PAQR3: variants seen among roughly 807,000 people sequenced by gnomAD.
The protein encoded by PAQR3 is progestin and adipoQ receptor family member 3.
In PAQR3, 39 loss-of-function variants were observed where a neutral mutation model predicts 41.7. The ratio of observed to expected loss-of-function variants is 0.93; its 90% CI spans 0.72 to 1.22. The LOEUF is 1.22. Ranked by LOEUF, PAQR3 falls within the 50% of genes most tolerant of loss-of-function variation. The probability of loss-of-function intolerance (pLI) is 0.00; values close to 1 mark genes in which losing one functional copy is unlikely to be tolerated. For missense variants in PAQR3, 366 were observed against 385.6 expected, an observed-to-expected ratio of 0.95 and a Z score of 0.42; for synonymous variants, 140 against 140.6, an observed-to-expected ratio of 1.00 and a Z score of 0.03.
intron 5 of PAQR3, 44 bp downstream of exon 5, chr4:78,923,813 T>C (rs1735904943): frequency 7.8e-7 from 1 of 1,289,530 alleles, no homozygotes; most frequent in African/African-American, 1.5e-5. Context: ...CTTGGGCATA[T>C]ATTTAGACTA....
chr4:78,933,294 A>G (rs1201933515), intron 2 of PAQR3: 11 of 456,022 alleles, frequency 2.4e-5, no homozygotes, highest in Non-Finnish European at 4.8e-5. Context: ...GATCAAATCA[A>G]GGCATTATTG....
chr4:78,894,114 T>C (rs921336270), intron 11 of PAQR3, among the ~76,000 whole-genome samples: 2 of 152,254 alleles, frequency 1.3e-5, no homozygotes, highest in Non-Finnish European at 2.9e-5. Flanking sequence ...GGCTTTGTTA[T>C]TTCATTTATA....
chr4:78,929,571 G>C (rs1309806913), intron 3 of PAQR3, among the ~76,000 whole-genome samples: 2 of 152,320 alleles, frequency 1.3e-5, no homozygotes, highest in East Asian at 3.9e-4. Context: ...TGTGAACTTA[G>C]TGACAGAAAG....
intron 11 of PAQR3, among the ~76,000 whole-genome samples, chr4:78,888,445 G>A (rs904717076): frequency 2.6e-5 from 4 of 152,182 alleles, no homozygotes; most frequent in African/African-American, 9.7e-5. Flanking sequence ...AATGACTTGA[G>A]ATACTGATCT....
chr4:78,939,392 A>G lies in PAQR3; in HGVS notation c.-168T>C. The G allele has an allele frequency of 2.4e-6, 1 of 415,804 alleles. No individual in the cohort carries two copies. The highest frequency in any genetic ancestry group is 3.7e-6 in the Non-Finnish European group (1 of 269,678). The allele number at this position is 415,804 out of a possible 1,614,324, so 25.8% of individuals were successfully genotyped here. The stretch of plus-strand genomic sequence containing the variant: ...GCCCGGCTCTGCGCTCACACCGGCC[A>G]CTGCCGCCAGCGCCGCGGCGGACCC... On this transcript the variant is annotated 5_prime_UTR_variant, in exon 1 of 6. Transcript: ENST00000512733.
intron 5 of PAQR3, among the ~76,000 whole-genome samples, chr4:78,923,284 G>A (rs1735847166): frequency 6.6e-6 from 1 of 151,730 alleles, no homozygotes; most frequent in Non-Finnish European, 1.5e-5. Context: ...AGACCCCTTC[G>A]ATGTACATAT....
Position 78,926,638 on chromosome 4 carries a change from G to A in PAQR3, c.585C>T (p.Leu195=). The A allele has an allele frequency of 3.1e-6, 5 of 1,613,980 alleles. No homozygotes were observed. Among genetic ancestry groups the A allele is most frequent in the Non-Finnish European group, 4.2e-6 (5 of 1,179,876 alleles). Residue 195 remains leucine, a synonymous_variant, in exon 4 of 6, where the codon CTC becomes CTT. Transcript: ENST00000512733. Reference sequence around the variant, plus strand: ...AACGGAGCCTTTGCCATTGCTGCGTGAGGTAATTGGGATGAATCTGCGCAA... The same window carrying A: ...AACGGAGCCTTTGCCATTGCTGCGTAAGGTAATTGGGATGAATCTGCGCAA... ...VFFAQIHPNY[L]TQQWQRLRSI... is the part of the protein sequence containing the mutation.
At position 78,913,071 on chromosome 4, in the gene PAQR3, G is replaced by T. The variant is rs1215189132; in HGVS notation, c.*7468C>A. 6.6e-6 allele frequency: 1 copy of T among 152,162 alleles called. No homozygotes were observed. Among genetic ancestry groups the T allele is most frequent in the African/African-American group, 2.4e-5 (1 of 41,442 alleles). 9.4% of individuals were successfully genotyped at this position (152,162 alleles called of 1,614,324 possible). A position where few individuals can be genotyped will look rare whatever the true frequency, so the allele number is the denominator to read the frequency against. ...GTGAAATCATGTTGCATTTAACAAT[G>T]TACTTTATTAGCAACTTCACCAAAT... On this transcript the variant is annotated 3_prime_UTR_variant, in exon 6 of 6. Transcript: ENST00000512733.
In PAQR3 at chr4:78,938,982, A is replaced by T. The variant is rs1578048906; in HGVS notation, c.185+58T>A. The T allele has an allele frequency of 4.3e-5, 63 of 1,462,596 alleles. No homozygotes were observed. The East Asian group carries it at 1.7e-3, about 39-fold the overall frequency. The allele number at this position is 1,462,596 out of a possible 1,614,324, so 90.6% of individuals were successfully genotyped here. On this transcript the variant is annotated intron_variant, in intron 1 of 5. Transcript: ENST00000512733. The stretch of plus-strand genomic sequence containing the variant: ...GCGGGGAAAGCAGAAGGGGGACCAG[A>T]CAAAAAGGGTGTAGGTGAGAGAAGG...
downstream of PAQR3, among the ~76,000 whole-genome samples, chr4:78,907,244 A>T (rs904130389): frequency 6.6e-6 from 1 of 152,206 alleles, no homozygotes; most frequent in Non-Finnish European, 1.5e-5. Flanking sequence ...ACAATTATAA[A>T]TGTGTATTTC....
chr4:78,894,135 A>G (rs1733581004), intron 11 of PAQR3, among the ~76,000 whole-genome samples: 1 of 152,252 alleles, frequency 6.6e-6, no homozygotes, highest in Admixed American at 6.5e-5. Flanking sequence ...GAACACAAAC[A>G]GAGTAGTTTT....
At chr4:78,924,045 G>T in intron 4 of PAQR3, 98 bp from the exon 5 acceptor site, 2 of 930,434 alleles carry the variant, frequency 2.1e-6, no homozygotes, top group South Asian at 1.5e-5. Flanking sequence ...TGTTAAATCT[G>T]AACTGTTTTG....
In PAQR3 at chr4:78,919,536, G is replaced by A. The variant is rs1735448203; in HGVS notation, c.*1003C>T. 2 of 985,146 alleles carry A rather than the reference G, an allele frequency of 2.0e-6. 1 individual carries two copies. The highest frequency in any genetic ancestry group is 9.4e-5 in the South Asian group (2 of 21,288). 61.0% of individuals were successfully genotyped at this position (985,146 alleles called of 1,614,324 possible). On this transcript the variant is annotated 3_prime_UTR_variant, in exon 6 of 6. Coordinates refer to ENST00000512733, the MANE Select transcript of PAQR3 (RefSeq NM_001040202.2). ...AGAAACCGAGGACCAGAGCACAGGT[G>A]AATAAGATTATTATCAAATGGGGCA... is the stretch of plus-strand genomic sequence containing the variant.
chr4:78,916,549 G>C lies in PAQR3; in HGVS notation c.*3990C>G, dbSNP rs914672857. 2.0e-5 allele frequency: 3 copies of C among 151,812 alleles called. No individual in the cohort carries two copies. Among genetic ancestry groups the C allele is most frequent in the Non-Finnish European group, 4.4e-5 (3 of 67,846 alleles). The allele number at this position is 151,812 out of a possible 1,614,324, so 9.4% of individuals were successfully genotyped here. The stretch of plus-strand genomic sequence containing the variant: ...AAGGAGCTCAGAGTTTACAATTTAG[G>C]TAAGAAAACCCATTTGACTTAAGAG... On this transcript the variant is annotated 3_prime_UTR_variant, in exon 6 of 6. Transcript: ENST00000512733.
rs1473432564 is a variant in PAQR3 at position 78,915,711 on chromosome 4, A to G, written c.*4828T>C. On this transcript the variant is annotated 3_prime_UTR_variant, in exon 6 of 6. Transcript: ENST00000512733. ...AAAAAATGGAATTGCAACCACAATC[A>G]TATCTAAGAGAACATTCACTCCTAG... is the stretch of plus-strand genomic sequence containing the variant. 1.3e-5 allele frequency: 2 copies of G among 152,040 alleles called. No individual in the cohort carries two copies. The highest frequency in any genetic ancestry group is 2.4e-5 in the African/African-American group (1 of 41,444). The allele number at this position is 152,040 out of a possible 1,614,324, so 9.4% of individuals were successfully genotyped here. A position where few individuals can be genotyped will look rare whatever the true frequency, so the allele number is the denominator to read the frequency against.
At chr4:78,927,882 A>AGATCCAGTAGT (rs1324092772) in intron 3 of PAQR3, among the ~76,000 whole-genome samples, 2 of 152,336 alleles carry the variant, frequency 1.3e-5, no homozygotes, top group East Asian at 3.9e-4. Flanking sequence ...GTGTGCGCAA[A>AGATCCAGTAGT]AGTGCATTCT....
chr4:78,911,869 CTACATGGGT>C, exon 6 of PAQR3: 1 of 1,614,000 alleles, frequency 6.2e-7, no homozygotes, highest in Middle Eastern at 1.6e-4. Context: ...ACAAAATTCA[CTACATGGGT>C]CATTCCATAG....
chr4:78,894,345 T>G (rs1327486701), intron 11 of PAQR3, among the ~76,000 whole-genome samples: 1 of 152,226 alleles, frequency 6.6e-6, no homozygotes, highest in Admixed American at 6.5e-5. Context: ...ATTGAAAATC[T>G]GTTGTTTAGT....
chr4:78,898,303 G>C (rs1012124573), intron 11 of PAQR3, among the ~76,000 whole-genome samples: 2 of 152,030 alleles, frequency 1.3e-5, no homozygotes, highest in Admixed American at 6.6e-5. Context: ...GCAAATATTT[G>C]TTGGAACATA....
Sources: allele counts gnomAD v4.1 joint callset (sites outside exome capture counted in the v4.1 genomes callset), GRCh38; gene constraint gnomAD v4.1.1; transcripts MANE v1.5; gene names NCBI Gene and HGNC (gene_info 2026-07-23, HGNC 2026-07-21).